Variants in ZNF398 observed in about 807,000 individuals in gnomAD.
ZNF398 encodes zinc finger protein 398.
A neutral mutation model predicts 41.9 loss-of-function variants in ZNF398; 18 were observed. The observed-to-expected ratio is 0.43, with a 90% CI of 0.30 to 0.64. ZNF398 has a LOEUF of 0.64. Ranked by LOEUF, ZNF398 falls within the 30% of genes least tolerant of loss-of-function variation. ZNF398 has a pLI of 0.14. For missense variants in ZNF398, 669 were observed against 822.8 expected (o/e 0.81, Z 2.29); for synonymous variants, 260 against 308.8 (o/e 0.84, Z 1.66).
intron 1 of ZNF398, chr7:149,148,115 A>G (rs1463623857): frequency 3.6e-6 from 1 of 276,816 alleles, no homozygotes; most frequent in East Asian, 6.0e-5. Context: ...GGGAGCCGTC[A>G]GCCATTCTCG....
chr7:149,163,371 A>AT lies in ZNF398; in HGVS notation c.421-2769dup, dbSNP rs36093586. 5.7e-3 allele frequency among the ~76,000 whole-genome samples: 717 copies of AT among 125,346 alleles called. 5 individuals carry two copies. The highest frequency in any genetic ancestry group is 0.031 in the East Asian group (129 of 4,216). 82.2% of individuals were successfully genotyped at this position (125,346 alleles called of 152,430 possible). A position where few individuals can be genotyped will look rare whatever the true frequency, so the allele number is the denominator to read the frequency against. ...AGGCATGCGCCATCATGCCCAGCTA[A>AT]TTTTTTTTTTTTTTTTTTGAGATGG... On this transcript the variant is annotated intron_variant, in intron 2 of 5. Coordinates refer to ENST00000475153, the MANE Select transcript of ZNF398 (RefSeq NM_170686.3).
At chr7:149,177,775 A>G (rs976948661) in intron 5 of ZNF398, among the ~76,000 whole-genome samples, 1 of 152,230 alleles carries the variant, frequency 6.6e-6, no homozygotes, top group Non-Finnish European at 1.5e-5. Flanking sequence ...GGTAAAATAT[A>G]GTGAAAGTAA....
At chr7:149,138,366 G>T (rs1826757280) in intron 2 of ZNF398, among the ~76,000 whole-genome samples, 1 of 152,246 alleles carries the variant, frequency 6.6e-6, no homozygotes, top group South Asian at 2.1e-4. Flanking sequence ...GATCACCTGA[G>T]ATCAGGAGTT....
chr7:149,182,845 A>C lies in ZNF398; in HGVS notation c.*3044A>C, dbSNP rs1436794372. 2 of 152,124 alleles carry C rather than the reference A, an allele frequency of 1.3e-5. No individual in the cohort carries two copies. The highest frequency in any genetic ancestry group is 4.8e-5 in the African/African-American group (2 of 41,424). The allele number at this position is 152,124 out of a possible 1,614,324, so 9.4% of individuals were successfully genotyped here. ...TTTTCTGCTGAACATTTAGTATTGGAAACTCCTACTTCCCTTTTCATTAAT... is the reference window on the plus strand; with the variant it reads ...TTTTCTGCTGAACATTTAGTATTGGCAACTCCTACTTCCCTTTTCATTAAT... On this transcript the variant is annotated 3_prime_UTR_variant, in exon 6 of 6. Coordinates refer to ENST00000475153, the MANE Select transcript of ZNF398 (RefSeq NM_170686.3).
chr7:149,141,317 C>CA (rs34545313), intron 2 of ZNF398, among the ~76,000 whole-genome samples: 11,275 of 146,134 alleles, frequency 0.077, 435 homozygotes, highest in Middle Eastern at 0.097. Flanking sequence ...TTTTTTGAGA[C>CA]AGAGTTTCGC....
chr7:149,167,670 A>T (rs1238820195), intron 4 of ZNF398, among the ~76,000 whole-genome samples: 2 of 128,508 alleles, frequency 1.6e-5, no homozygotes, highest in Admixed American at 9.5e-5. Flanking sequence ...AGTCTTGCTC[A>T]TGCGATCTCG....
At chr7:149,168,440 A>G (rs946605695) in intron 4 of ZNF398, among the ~76,000 whole-genome samples, 2 of 152,176 alleles carry the variant, frequency 1.3e-5, no homozygotes, top group African/African-American at 4.8e-5. Context: ...TCCTGTAAAT[A>G]GTTCAGCATG....
At chr7:149,142,188 T>TA (rs371945188) in intron 2 of ZNF398, among the ~76,000 whole-genome samples, 115 of 152,318 alleles carry the variant, frequency 7.5e-4, no homozygotes, top group African/African-American at 2.5e-3. Context: ...CCCAAGATCT[T>TA]ATTCTAAATA....
At chr7:149,177,573 A>G (rs1795489434) in intron 5 of ZNF398, among the ~76,000 whole-genome samples, 2 of 152,204 alleles carry the variant, frequency 1.3e-5, no homozygotes, top group African/African-American at 4.8e-5. Context: ...AGAGAGGGGT[A>G]GCATTCTACA....
At chr7:149,136,760 G>A (rs1826722586) in intron 2 of ZNF398, among the ~76,000 whole-genome samples, 2 of 151,868 alleles carry the variant, frequency 1.3e-5, no homozygotes, top group Admixed American at 1.3e-4. Context: ...AGTAGAGACA[G>A]GATTTCACTG....
chr7:149,172,392 C>T (rs182725290), intron 4 of ZNF398, among the ~76,000 whole-genome samples: 4 of 152,248 alleles, frequency 2.6e-5, no homozygotes, highest in Admixed American at 2.6e-4. Flanking sequence ...CCATTAGTCA[C>T]TTAGAAGCTA....
upstream of ZNF398, among the ~76,000 whole-genome samples, chr7:149,144,158 G>A (rs1057184811): frequency 2.6e-5 from 4 of 152,152 alleles, no homozygotes; most frequent in Admixed American, 2.0e-4. Context: ...TAAGTTGGTG[G>A]TAATATTACC....
At chr7:149,161,326 G>A (rs1355337467) in intron 2 of ZNF398, among the ~76,000 whole-genome samples, 1 of 152,166 alleles carries the variant, frequency 6.6e-6, no homozygotes, top group Non-Finnish European at 1.5e-5. Context: ...GGCTGAGGTT[G>A]GAGGATTGCT....
rs1554467200 is a variant in ZNF398, at chr7:149,183,024, T to TATAA, written c.*3224_*3225insTAAA. ...CAGTCCACACAAGCCTCGTTGATAT[T>TATAA]AAAAAAAAAAAAAAAAAAGGACCTC... On this transcript the variant is annotated 3_prime_UTR_variant, in exon 6 of 6. Coordinates refer to ENST00000475153, the MANE Select transcript of ZNF398 (RefSeq NM_170686.3). 1.4e-4 allele frequency among the ~76,000 whole-genome samples: 17 copies of TATAA among 125,450 alleles called. No homozygotes were observed. Among genetic ancestry groups the TATAA allele is most frequent in the African/African-American group, 5.2e-4 (17 of 32,876 alleles). 82.3% of individuals were successfully genotyped at this position (125,450 alleles called of 152,430 possible).
upstream of ZNF398, chr7:149,146,983 C>T (rs903856012): frequency 2.0e-5 from 3 of 152,158 alleles, no homozygotes; most frequent in African/African-American, 4.8e-5. Context: ...ACCGCCTCAC[C>T]TTGGCAACCA....
intron 2 of ZNF398, 96 bp from the exon 3 acceptor site, chr7:149,166,062 A>C: frequency 1.5e-5 from 20 of 1,363,746 alleles, no homozygotes; most frequent in Non-Finnish European, 1.8e-5. Context: ...CCACCCTTTG[A>C]AAATGTAAAA....
chr7:149,175,748 G>A (rs894821092), intron 4 of ZNF398, among the ~76,000 whole-genome samples: 2 of 152,076 alleles, frequency 1.3e-5, no homozygotes, highest in African/African-American at 4.8e-5. Context: ...GCAATGGTGC[G>A]ATCTCGGCTC....
intron 2 of ZNF398, 82 bp from the exon 3 acceptor site, chr7:149,166,076 A>T (rs1795220122): frequency 6.9e-7 from 1 of 1,457,850 alleles, no homozygotes; most frequent in African/African-American, 1.4e-5. Flanking sequence ...TGTAAAAAAA[A>T]TAAAAGGAAC....
chr7:149,137,728 T>G (rs1053321900), intron 2 of ZNF398, among the ~76,000 whole-genome samples: 1 of 152,128 alleles, frequency 6.6e-6, no homozygotes, highest in Non-Finnish European at 1.5e-5. Context: ...ATCCCTAGTT[T>G]TGTGAGAGTT....
Sources: allele counts gnomAD v4.1 joint callset (sites outside exome capture counted in the v4.1 genomes callset), GRCh38; gene constraint gnomAD v4.1.1; transcripts MANE v1.5; gene names NCBI Gene and HGNC (gene_info 2026-07-23, HGNC 2026-07-21).